The following CSMD1 variants were observed in gnomAD, a reference collection of about 807,000 sequenced individuals.
CSMD1 encodes CUB and sushi domain-containing protein 1.
In CSMD1, 213 loss-of-function variants were observed where a neutral mutation model predicts 417.5. That is an observed-to-expected ratio of 0.51 (90% CI 0.46 to 0.57). The LOEUF (loss-of-function observed/expected upper bound fraction) is 0.57. Among genes scored for constraint, CSMD1 ranks in the 20% least tolerant of loss-of-function variants. The pLI is 0.00. For missense variants in CSMD1, 6,923 were observed against 4,529.7 expected, an observed-to-expected ratio of 1.53 and a Z score of -15.17; for synonymous variants, 2,862 against 1,736.8, an observed-to-expected ratio of 1.65 and a Z score of -16.11.
intron 1 of CSMD1, among the ~76,000 whole-genome samples, chr8:4,850,193 C>T (rs1046975270): frequency 2.0e-5 from 3 of 152,010 alleles, no homozygotes; most frequent in African/African-American, 4.8e-5. Flanking sequence ...GATCATTAAC[C>T]TATTTTTTAA....
At chr8:3,844,984 A>C (rs977574633) in intron 5 of CSMD1, among the ~76,000 whole-genome samples, 1 of 152,224 alleles carries the variant, frequency 6.6e-6, no homozygotes, top group Non-Finnish European at 1.5e-5. Flanking sequence ...ATATGCAGAT[A>C]CTGCACAAAC....
rs764216535 is a variant in CSMD1 at position 3,408,100 on chromosome 8, G to A, written c.1870C>T (p.Leu624=). 1 of 1,613,848 alleles carries A rather than the reference G, an allele frequency of 6.2e-7. No homozygotes were observed. The highest frequency in any genetic ancestry group is 8.5e-7 in the Non-Finnish European group (1 of 1,179,848). ...TCAACATCAAAATCATTAAAGATTA[G>A]GTGAATTCGACTTCCTGGCTCCGAG... ...IISEPGSRIH[L]IFNDFDVEPQ... The change falls in exon 14 of 70, where the codon CTA becomes TTA. Residue 624 remains leucine, a synonymous_variant. Coordinates refer to ENST00000635120, the MANE Select transcript of CSMD1 (RefSeq NM_033225.6).
At chr8:4,022,020 G>C (rs1796812421) in intron 4 of CSMD1, among the ~76,000 whole-genome samples, 1 of 151,478 alleles carries the variant, frequency 6.6e-6, no homozygotes, top group Non-Finnish European at 1.5e-5. Flanking sequence ...TCCAACACTG[G>C]AAAGTCCAGG....
Position 4,818,097 on chromosome 8 carries a change from A to T in CSMD1, c.85+176235T>A, listed in dbSNP as rs113722147. 7.2e-3 allele frequency among the ~76,000 whole-genome samples: 1,100 copies of T among 152,318 alleles called. 11 individuals carry two copies. Among genetic ancestry groups the T allele is most frequent in the African/African-American group, 0.026 (1,070 of 41,568 alleles). Reference sequence around the variant, plus strand: ...CAGGAGGATGCATTGAACTGAACACATGTAATACAGAACTAAAAGTCGGGA... The same window carrying T: ...CAGGAGGATGCATTGAACTGAACACTTGTAATACAGAACTAAAAGTCGGGA... On this transcript the variant is annotated intron_variant, in intron 1 of 69. Transcript: ENST00000635120.
At chr8:3,655,072 T>C (rs1363652086) in intron 7 of CSMD1, among the ~76,000 whole-genome samples, 2 of 150,712 alleles carry the variant, frequency 1.3e-5, no homozygotes, top group Non-Finnish European at 2.9e-5. Context: ...TTAAAGAATG[T>C]TTTTTAACCA....
chr8:3,075,723 A>C (rs2129000680), intron 49 of CSMD1, among the ~76,000 whole-genome samples: 1 of 151,976 alleles, frequency 6.6e-6, no homozygotes, highest in South Asian at 2.1e-4. Flanking sequence ...ATGTAAATGT[A>C]TTTTTATCTG....
rs149947339 is a variant in CSMD1 at position 3,239,550 on chromosome 8, G to A, written c.4154-9319C>T. Reference sequence around the variant, plus strand: ...GTCTTGGGCAGGGGCAAATCCTGGAGCTTGATGTGTAGGGAAGGGTGGGGG... The same window carrying A: ...GTCTTGGGCAGGGGCAAATCCTGGAACTTGATGTGTAGGGAAGGGTGGGGG... On this transcript the variant is annotated intron_variant, in intron 26 of 69. Transcript: ENST00000635120. Among the ~76,000 whole-genome samples, 1,321 of 152,304 alleles carry A rather than the reference G, an allele frequency of 8.7e-3. 9 individuals are homozygous for A. The highest frequency in any genetic ancestry group is 0.031 in the Middle Eastern group (9 of 294).
chr8:4,934,361 G>C (rs575714312), intron 1 of CSMD1, among the ~76,000 whole-genome samples: 5 of 152,172 alleles, frequency 3.3e-5, no homozygotes, highest in Non-Finnish European at 5.9e-5. Flanking sequence ...TATTTGTATA[G>C]ATATGAAAAT....
At chr8:3,601,132 G>A (rs1254214190) in intron 8 of CSMD1, among the ~76,000 whole-genome samples, 3 of 152,106 alleles carry the variant, frequency 2.0e-5, no homozygotes, top group African/African-American at 2.4e-5. Flanking sequence ...CTAGATGTAG[G>A]TTTGCCTCTG....
intron 37 of CSMD1, among the ~76,000 whole-genome samples, 172 bp downstream of exon 37, chr8:3,180,938 C>T (rs916582057): frequency 6.6e-6 from 1 of 152,192 alleles, no homozygotes; most frequent in African/African-American, 2.4e-5. Flanking sequence ...GTCACCGCAA[C>T]TGGCTTATGT....
At chr8:3,665,784 G>T (rs1798660435) in intron 7 of CSMD1, among the ~76,000 whole-genome samples, 1 of 152,144 alleles carries the variant, frequency 6.6e-6, no homozygotes, top group Non-Finnish European at 1.5e-5. Flanking sequence ...TGAAGCTGAG[G>T]CTATTTCTTA....
rs62481962 is a variant in CSMD1 at position 4,261,935 on chromosome 8, G to C, written c.415+158018C>G. Among the ~76,000 whole-genome samples the C allele has an allele frequency of 4.7e-4, 72 of 152,132 alleles. 1 individual carries two copies. The highest frequency in any genetic ancestry group is 2.1e-4 in the Non-Finnish European group (14 of 68,004). ...ATATAAATAAATGCATGAATGATAT[G>C]GCAATGTAACAAAACAGAAAAAAAA... On this transcript the variant is annotated intron_variant, in intron 3 of 69. Transcript: ENST00000635120.
intron 6 of CSMD1, among the ~76,000 whole-genome samples, chr8:3,739,840 A>G (rs549747600): frequency 6.6e-6 from 1 of 152,320 alleles, no homozygotes; most frequent in African/African-American, 2.4e-5. Context: ...GACATTTTAC[A>G]TTTGGGACAA....
intron 52 of CSMD1, among the ~76,000 whole-genome samples, chr8:3,017,806 TAAAAAAAAAAAAAA>T (rs777717027): frequency 5.2e-5 from 4 of 76,484 alleles, no homozygotes; most frequent in Non-Finnish European, 7.4e-5. Context: ...TTGAGTGATT[TAAAAAAAAAAAAAA>T]AAAAAAAAAA....
At position 4,710,288 on chromosome 8, in the gene CSMD1, T is replaced by C. The variant is rs182602994; in HGVS notation, c.86-72730A>G. Among the ~76,000 whole-genome samples the C allele has an allele frequency of 2.7e-3, 410 of 151,686 alleles. 2 individuals carry two copies. The highest frequency in any genetic ancestry group is 9.5e-3 in the African/African-American group (394 of 41,428). On this transcript the variant is annotated intron_variant, in intron 1 of 69. Transcript: ENST00000635120. ...TTTATATACATTTGCATGTTAAATATATAATGTATATGTGTATACATTTAA... is the reference window on the plus strand; with the variant it reads ...TTTATATACATTTGCATGTTAAATACATAATGTATATGTGTATACATTTAA...
rs1802798276 is a variant in CSMD1 at position 4,247,710 on chromosome 8, A to C, written c.415+172243T>G. On this transcript the variant is annotated intron_variant, in intron 3 of 69. Transcript: ENST00000635120. Reference sequence around the variant, plus strand: ...CTTCTGCATTTTTATTTTGGTACACATACTATAACGCCCTTTTGAAAATGT... The same window carrying C: ...CTTCTGCATTTTTATTTTGGTACACCTACTATAACGCCCTTTTGAAAATGT... Among the ~76,000 whole-genome samples the C allele has an allele frequency of 2.6e-5, 4 of 152,300 alleles. No homozygotes were observed. In the South Asian group the frequency reaches 8.3e-4, roughly 32 times the overall value.
At chr8:3,794,458 C>T (rs1383966643) in intron 5 of CSMD1, among the ~76,000 whole-genome samples, 2 of 152,034 alleles carry the variant, frequency 1.3e-5, no homozygotes, top group African/African-American at 2.4e-5. Flanking sequence ...TACTTATAAA[C>T]CAATTAAATC....
At chr8:4,112,287 T>G (rs773202637) in intron 3 of CSMD1, among the ~76,000 whole-genome samples, 18 of 152,310 alleles carry the variant, frequency 1.2e-4, no homozygotes, top group Non-Finnish European at 1.9e-4. Context: ...CACCTTTCTG[T>G]GCCTGCTCCC....
At chr8:3,447,983 C>T (rs1815407357) in intron 12 of CSMD1, among the ~76,000 whole-genome samples, 1 of 152,084 alleles carries the variant, frequency 6.6e-6, no homozygotes, top group Admixed American at 6.5e-5. Flanking sequence ...GAAAGCAGAG[C>T]TGAGGAAATG....
Sources: gnomAD v4.1 joint callset for allele counts (sites outside exome capture counted in the v4.1 genomes callset) on GRCh38, gnomAD v4.1.1 for gene constraint, MANE v1.5 for transcripts, NCBI Gene and HGNC (gene_info 2026-07-23, HGNC 2026-07-21) for gene names.